TTBK2: variants seen among roughly 807,000 people sequenced by gnomAD.
TTBK2 encodes the protein tau-tubulin kinase 2.
Under a neutral mutation model 110.8 loss-of-function variants are expected in TTBK2, and 28 were observed. The ratio of observed to expected loss-of-function variants is 0.25; its 90% CI spans 0.19 to 0.35. The LOEUF (loss-of-function observed/expected upper bound fraction) is 0.35, where lower values mean the gene tolerates loss of function less well. TTBK2 is among the 10% of genes least tolerant of loss of function. The probability of loss-of-function intolerance (pLI) is 1.00; values close to 1 mark genes in which losing one functional copy is unlikely to be tolerated. For synonymous variants in TTBK2, 532 were observed against 527.3 expected, an observed-to-expected ratio of 1.01 and a Z score of -0.12; for missense variants, 1,369 against 1,500.3, an observed-to-expected ratio of 0.91 and a Z score of 1.45.
At chr15:42,832,758 T>C (rs114513138) in intron 4 of TTBK2, among the ~76,000 whole-genome samples, 1,730 of 152,268 alleles carry the variant, frequency 0.011, 29 homozygotes, top group African/African-American at 0.039. Context: ...GAATCACCCC[T>C]TTAGTCCAGC....
At chr15:42,900,874 A>G (rs1044628530) in intron 1 of TTBK2, among the ~76,000 whole-genome samples, 1 of 152,198 alleles carries the variant, frequency 6.6e-6, no homozygotes, top group Non-Finnish European at 1.5e-5. Context: ...ACTCTCCCAT[A>G]CATGGTCAAA....
intron 9 of TTBK2, chr15:42,800,233 A>G (rs1359430171): frequency 2.4e-6 from 1 of 420,120 alleles, no homozygotes; most frequent in African/African-American, 2.1e-5. Flanking sequence ...AACTAGAAAA[A>G]ATTAACCAAC....
intron 11 of TTBK2, among the ~76,000 whole-genome samples, chr15:42,781,788 T>C (rs1447225023): frequency 6.6e-6 from 1 of 152,172 alleles, no homozygotes; most frequent in East Asian, 1.9e-4. Flanking sequence ...AGGTTTGTTT[T>C]GTAGCTCTGC....
chr15:42,884,610 G>C (rs1895171143), intron 1 of TTBK2, among the ~76,000 whole-genome samples: 2 of 152,176 alleles, frequency 1.3e-5, no homozygotes, highest in Non-Finnish European at 2.9e-5. Flanking sequence ...TGATTAGAGG[G>C]CTGGAACTTT....
chr15:42,788,145 G>A lies in TTBK2; in HGVS notation c.981-4510C>T, dbSNP rs562632668. On this transcript the variant is annotated intron_variant, in intron 10 of 14. Transcript: ENST00000267890. ...TATGCGGTGTATCACTGATTGCGAT[G>A]TCATTACACGGCACATGACTGTAGT... Among the ~76,000 whole-genome samples the A allele has an allele frequency of 1.1e-3, 174 of 152,178 alleles. 1 individual carries two copies. The highest frequency in any genetic ancestry group is 4.1e-3 in the African/African-American group (168 of 41,474).
chr15:42,769,895 C>G lies in TTBK2; in HGVS notation c.1998+5240G>C, dbSNP rs534014731. ...TAGACTGGATTAAGAAAATGTGGCA[C>G]ATATACACCACGGAATACTATGCAG... is the stretch of plus-strand genomic sequence containing the variant. On this transcript the variant is annotated intron_variant, in intron 13 of 14. Transcript: ENST00000267890. Among the ~76,000 whole-genome samples the G allele has an allele frequency of 3.9e-5, 6 of 152,262 alleles. No individual in the cohort carries two copies. In the East Asian group the frequency reaches 1.2e-3, roughly 29 times the overall value.
intron 11 of TTBK2, among the ~76,000 whole-genome samples, chr15:42,781,183 C>T (rs1351779393): frequency 2.0e-5 from 3 of 151,142 alleles, no homozygotes. Flanking sequence ...ACAAAATAGG[C>T]TTTAATGCTA....
chr15:42,891,334 C>A (rs1287338881), intron 1 of TTBK2, among the ~76,000 whole-genome samples: 2 of 151,824 alleles, frequency 1.3e-5, no homozygotes, highest in Non-Finnish European at 2.9e-5. Context: ...TGCCACCACA[C>A]CCAGCTCATT....
intron 13 of TTBK2, among the ~76,000 whole-genome samples, chr15:42,762,513 T>G (rs554513385): frequency 6.6e-6 from 1 of 152,130 alleles, no homozygotes; most frequent in East Asian, 1.9e-4. Context: ...AGGTCAGAGT[T>G]CGAGACCAGC....
chr15:42,876,391 A>G (rs1894820847), intron 2 of TTBK2, among the ~76,000 whole-genome samples: 1 of 152,162 alleles, frequency 6.6e-6, no homozygotes, highest in African/African-American at 2.4e-5. Context: ...TCCACTGGAG[A>G]ACAAACCAGC....
At chr15:42,746,722 T>C (rs553688292) in intron 14 of TTBK2, among the ~76,000 whole-genome samples, 1 of 152,122 alleles carries the variant, frequency 6.6e-6, no homozygotes, top group Non-Finnish European at 1.5e-5. Flanking sequence ...TTTTTTTTTT[T>C]AATTTTCTTT....
chr15:42,834,315 T>A (rs1892904213), intron 4 of TTBK2, among the ~76,000 whole-genome samples: 1 of 152,218 alleles, frequency 6.6e-6, no homozygotes, highest in African/African-American at 2.4e-5. Flanking sequence ...TCTCATTTTT[T>A]AAAATGTATT....
At position 42,846,651 on chromosome 15, in the gene TTBK2, A is replaced by C. The variant is rs759003787; in HGVS notation, c.218-6218T>G. Reference sequence around the variant, plus strand: ...CTTGTGGAATTTTCTGAGTGATAGAAATGTCTTTGTTATTTATTACTCTTT... The same window carrying C: ...CTTGTGGAATTTTCTGAGTGATAGACATGTCTTTGTTATTTATTACTCTTT... On this transcript the variant is annotated intron_variant, in intron 3 of 14. Coordinates refer to ENST00000267890, the MANE Select transcript of TTBK2 (RefSeq NM_173500.4). 9.8e-5 allele frequency among the ~76,000 whole-genome samples: 15 copies of C among 152,346 alleles called. No individual in the cohort carries two copies. In the South Asian group the frequency reaches 1.2e-3, roughly 13 times the overall value.
At chr15:42,776,832 T>C in intron 12 of TTBK2, 199 bp downstream of exon 12, 1 of 630,484 alleles carries the variant, frequency 1.6e-6, no homozygotes, top group Non-Finnish European at 2.7e-6. Context: ...ATAGAATTTA[T>C]AATAATTAAG....
In TTBK2 at chr15:42,913,981, CT is replaced by C. The variant is rs201187297; in HGVS notation, c.-68+6456del. Among the ~76,000 whole-genome samples, 236 of 143,424 alleles carry C rather than the reference CT, an allele frequency of 1.6e-3. 1 individual carries two copies. Among genetic ancestry groups the C allele is most frequent in the Middle Eastern group, 3.6e-3 (1 of 280 alleles). The allele number at this position is 143,424 out of a possible 152,430, so 94.1% of individuals were successfully genotyped here. A position where few individuals can be genotyped will look rare whatever the true frequency, so the allele number is the denominator to read the frequency against. ...ATAACATTTTAAGTATATTAACTTC[CT>C]TTTTTTTTTTTTGAGATGGAGTTTT... On this transcript the variant is annotated intron_variant, in intron 1 of 14. Transcript: ENST00000267890.
intron 3 of TTBK2, among the ~76,000 whole-genome samples, chr15:42,850,538 C>T (rs1166493366): frequency 6.6e-6 from 1 of 152,186 alleles, no homozygotes; most frequent in South Asian, 2.1e-4. Flanking sequence ...GTGAAGTGCG[C>T]TTACTCCATC....
At chr15:42,889,938 T>C (rs1895388543) in intron 1 of TTBK2, among the ~76,000 whole-genome samples, 2 of 152,194 alleles carry the variant, frequency 1.3e-5, no homozygotes, top group African/African-American at 4.8e-5. Context: ...GTATTTTTCT[T>C]ATTAATATAA....
chr15:42,902,323 C>G (rs2030094866), intron 1 of TTBK2, among the ~76,000 whole-genome samples: 1 of 151,810 alleles, frequency 6.6e-6, no homozygotes, highest in East Asian at 1.9e-4. Context: ...GAGTTTGAGA[C>G]CAGCCTGACC....
rs190502767 is a variant in TTBK2, at chr15:42,794,869, A to G, written c.823-68T>C. The G allele has an allele frequency of 2.0e-4, 319 of 1,587,226 alleles. 1 individual carries two copies. The African/African-American group carries it at 3.5e-3, about 18-fold the overall frequency. On this transcript the variant is annotated intron_variant, in intron 9 of 14. Transcript: ENST00000267890. The stretch of plus-strand genomic sequence containing the variant: ...ATAGTCACTTTATTCTATAAGAGAA[A>G]GCACACCAGACTCATAAAATGATTT...
Sources: gnomAD v4.1 joint callset for allele counts (sites outside exome capture counted in the v4.1 genomes callset) on GRCh38, gnomAD v4.1.1 for gene constraint, MANE v1.5 for transcripts, NCBI Gene and HGNC (gene_info 2026-07-23, HGNC 2026-07-21) for gene names.